The following FRMD4A variants were observed in gnomAD, a reference collection of about 807,000 sequenced individuals.
FRMD4A encodes the protein FERM domain-containing protein 4A.
FRMD4A carries 29 observed loss-of-function variants against 129.1 expected under a neutral mutation model. The ratio of observed to expected loss-of-function variants is 0.22; its 90% confidence interval spans 0.17 to 0.31. FRMD4A has a LOEUF of 0.31. Among genes scored for constraint, FRMD4A ranks in the 10% least tolerant of loss-of-function variants. The pLI is 1.00. For synonymous variants in FRMD4A, 634 were observed against 571.6 expected (o/e 1.11, Z -1.56); for missense variants, 1,272 against 1,375.8 (o/e 0.92, Z 1.19).
At chr10:13,982,933 G>T (rs1035302593) in intron 2 of FRMD4A, among the ~76,000 whole-genome samples, 2 of 152,076 alleles carry the variant, frequency 1.3e-5, no homozygotes, top group Non-Finnish European at 2.9e-5. Flanking sequence ...TCTATTTGCA[G>T]GTCCTCTTTG....
At chr10:13,746,954 G>A (rs2091323749) in intron 9 of FRMD4A, among the ~76,000 whole-genome samples, 1 of 152,106 alleles carries the variant, frequency 6.6e-6, no homozygotes, top group South Asian at 2.1e-4. Context: ...ATGTTACATA[G>A]TGGCTAAATC....
intron 2 of FRMD4A, among the ~76,000 whole-genome samples, chr10:14,002,197 T>C (rs887010504): frequency 5.3e-5 from 8 of 152,190 alleles, no homozygotes; most frequent in Non-Finnish European, 1.2e-4. Context: ...ACCTAAAGTA[T>C]TGGAATAATT....
chr10:13,865,277 T>C (rs2094350325), intron 2 of FRMD4A, among the ~76,000 whole-genome samples: 1 of 152,192 alleles, frequency 6.6e-6, no homozygotes, highest in South Asian at 2.1e-4. Context: ...ACGAAGTATA[T>C]ACTCATCATA....
At chr10:13,765,049 G>A (rs1367151612) in intron 6 of FRMD4A, among the ~76,000 whole-genome samples, 1 of 150,920 alleles carries the variant, frequency 6.6e-6, no homozygotes, top group Non-Finnish European at 1.5e-5. Context: ...AATTTGCTTA[G>A]CAAGAGTTTC....
chr10:13,802,139 A>G (rs1018827986), intron 4 of FRMD4A, among the ~76,000 whole-genome samples: 10 of 152,204 alleles, frequency 6.6e-5, no homozygotes, highest in African/African-American at 2.4e-4. Flanking sequence ...CTGTCAGGTC[A>G]GTAATAAATA....
chr10:13,826,453 C>A (rs894052055), intron 3 of FRMD4A, among the ~76,000 whole-genome samples: 9 of 152,194 alleles, frequency 5.9e-5, no homozygotes, highest in African/African-American at 1.9e-4. Flanking sequence ...GATTTCTCCT[C>A]CTTGCACCTG....
intron 2 of FRMD4A, among the ~76,000 whole-genome samples, chr10:14,047,644 C>T (rs1834045255): frequency 6.6e-6 from 1 of 152,180 alleles, no homozygotes; most frequent in Admixed American, 6.5e-5. Flanking sequence ...CTCAATAATC[C>T]AGGAAACAAA....
chr10:13,673,812 G>C (rs2083732747), intron 16 of FRMD4A, among the ~76,000 whole-genome samples: 1 of 113,364 alleles, frequency 8.8e-6, no homozygotes, highest in Non-Finnish European at 1.6e-5. Flanking sequence ...GTCTTGCTCT[G>C]TCACCCAAGC....
chr10:13,791,088 C>T (rs1377528087), intron 5 of FRMD4A, among the ~76,000 whole-genome samples: 1 of 152,066 alleles, frequency 6.6e-6, no homozygotes, highest in Non-Finnish European at 1.5e-5. Context: ...TGAGAAGCCA[C>T]AAAAACACAA....
intron 3 of FRMD4A, among the ~76,000 whole-genome samples, chr10:13,847,345 A>G (rs1443139739): frequency 6.6e-6 from 1 of 152,216 alleles, no homozygotes; most frequent in Admixed American, 6.5e-5. Flanking sequence ...AGCCACAAAC[A>G]GAGATTCAAG....
At chr10:14,145,523 G>A (rs577524222) in intron 2 of FRMD4A, among the ~76,000 whole-genome samples, 10 of 152,080 alleles carry the variant, frequency 6.6e-5, no homozygotes, top group Admixed American at 2.0e-4. Context: ...CTATTGTTAC[G>A]GTGCCAGGCT....
intron 2 of FRMD4A, among the ~76,000 whole-genome samples, chr10:13,948,223 G>C (rs1345729488): frequency 6.6e-6 from 1 of 152,072 alleles, no homozygotes; most frequent in Non-Finnish European, 1.5e-5. Flanking sequence ...GATTCTCACT[G>C]TTGCCCAGGC....
intron 2 of FRMD4A, among the ~76,000 whole-genome samples, chr10:13,896,701 G>T (rs192774346): frequency 5.3e-5 from 8 of 151,878 alleles, no homozygotes; most frequent in Admixed American, 1.3e-4. Context: ...AGAAAGAAAA[G>T]AAATAGGTCA....
intron 3 of FRMD4A, among the ~76,000 whole-genome samples, chr10:13,858,422 C>G (rs59813612): frequency 2.0e-5 from 3 of 152,044 alleles, no homozygotes; most frequent in Non-Finnish European, 1.5e-5. Flanking sequence ...GCAACAAGAG[C>G]GAGACTCTGT....
At chr10:13,842,158 C>T (rs2093977809) in intron 3 of FRMD4A, among the ~76,000 whole-genome samples, 1 of 152,014 alleles carries the variant, frequency 6.6e-6, no homozygotes, top group African/African-American at 2.4e-5. Flanking sequence ...CAACAAACCC[C>T]CAAGGTTGGT....
intron 6 of FRMD4A, among the ~76,000 whole-genome samples, chr10:13,775,425 A>AT (rs562787658): frequency 2.3e-4 from 35 of 151,166 alleles, no homozygotes; most frequent in South Asian, 4.2e-4. Context: ...TCTGAGAGAA[A>AT]TTTTTTTTTT....
At chr10:13,654,812 G>C in intron 22 of FRMD4A, 1 of 459,188 alleles carries the variant, frequency 2.2e-6, no homozygotes, top group South Asian at 3.9e-5. Context: ...CCACCAGGAG[G>C]TAGGCATAGG....
intron 2 of FRMD4A, among the ~76,000 whole-genome samples, chr10:14,101,291 G>A (rs575884275): frequency 6.6e-6 from 1 of 152,254 alleles, no homozygotes; most frequent in Admixed American, 6.5e-5. Flanking sequence ...CTTCCTGCGG[G>A]CAATGAAACT....
chr10:13,687,026 C>T (rs1301580352), intron 15 of FRMD4A, among the ~76,000 whole-genome samples: 1 of 152,140 alleles, frequency 6.6e-6, no homozygotes, highest in South Asian at 2.1e-4. Flanking sequence ...TGTGGTGGCT[C>T]AAGCCTGTAA....
Sources: allele counts gnomAD v4.1 joint callset (sites outside exome capture counted in the v4.1 genomes callset), GRCh38; gene constraint gnomAD v4.1.1; transcripts MANE v1.5; gene names NCBI Gene and HGNC (gene_info 2026-07-23, HGNC 2026-07-21).